PAX5: variants seen among roughly 807,000 people sequenced by gnomAD.
PAX5 encodes paired box protein Pax-5.
Under a neutral mutation model 43.7 loss-of-function variants are expected in PAX5, and 9 were observed. That is an observed-to-expected ratio of 0.21 (90% CI 0.12 to 0.36). PAX5 has a LOEUF of 0.36. PAX5 is among the 10% of genes least tolerant of loss of function. PAX5 has a pLI of 1.00. For missense variants in PAX5, 383 were observed against 532.7 expected, an observed-to-expected ratio of 0.72 and a Z score of 2.77; for synonymous variants, 228 against 214.3, an observed-to-expected ratio of 1.06 and a Z score of -0.56.
intron 6 of PAX5, among the ~76,000 whole-genome samples, chr9:36,945,520 T>C (rs1366790250): frequency 6.6e-6 from 1 of 152,234 alleles, no homozygotes; most frequent in Non-Finnish European, 1.5e-5. Flanking sequence ...GGATGACAGG[T>C]GTAAGCCACT....
At chr9:36,923,549 C>G in intron 6 of PAX5, 65 bp from the exon 7 acceptor site, 2 of 1,543,716 alleles carry the variant, frequency 1.3e-6, no homozygotes, top group East Asian at 2.3e-5. Flanking sequence ...AATGCCAACT[C>G]CACGTTCTGA....
intron 8 of PAX5, among the ~76,000 whole-genome samples, chr9:36,870,243 G>A (rs1367486668): frequency 1.3e-5 from 2 of 152,234 alleles, no homozygotes; most frequent in South Asian, 2.1e-4. Flanking sequence ...ATTTCAACAG[G>A]CTCTCTCCCA....
chr9:36,931,646 C>T (rs1010990590), intron 6 of PAX5, among the ~76,000 whole-genome samples: 1 of 151,836 alleles, frequency 6.6e-6, no homozygotes, highest in African/African-American at 2.4e-5. Context: ...ATCAGGAGTT[C>T]AAGACCAGCC....
intron 6 of PAX5, among the ~76,000 whole-genome samples, chr9:36,962,178 C>T (rs1211914813): frequency 2.0e-5 from 3 of 151,850 alleles, no homozygotes; most frequent in Non-Finnish European, 2.9e-5. Flanking sequence ...TGGGAGGATC[C>T]GGGAGGATGT....
intron 5 of PAX5, among the ~76,000 whole-genome samples, chr9:36,981,877 C>T (rs780824072): frequency 2.6e-5 from 4 of 152,246 alleles, no homozygotes; most frequent in Non-Finnish European, 4.4e-5. Context: ...TGCTGGATTC[C>T]AAGTGAGAGA....
At chr9:36,944,088 G>C (rs1252300628) in intron 6 of PAX5, among the ~76,000 whole-genome samples, 1 of 152,134 alleles carries the variant, frequency 6.6e-6, no homozygotes. Context: ...GAAGGCTGAC[G>C]CAGGAAGATT....
intron 6 of PAX5, among the ~76,000 whole-genome samples, chr9:36,935,004 C>A (rs1228638937): frequency 2.0e-5 from 3 of 152,230 alleles, no homozygotes; most frequent in African/African-American, 7.2e-5. Context: ...TGCTTTTATT[C>A]ATCAGAGGTT....
chr9:36,869,894 AAATGGATG>A (rs1825283451), intron 8 of PAX5, among the ~76,000 whole-genome samples: 1 of 41,536 alleles, frequency 2.4e-5, no homozygotes, highest in Admixed American at 2.2e-4. Flanking sequence ...ATGGATGGAT[AAATGGATG>A]GATGGATGGA....
intron 8 of PAX5, among the ~76,000 whole-genome samples, chr9:36,847,198 C>T (rs1260499827): frequency 1.3e-5 from 2 of 152,200 alleles, no homozygotes; most frequent in African/African-American, 4.8e-5. Context: ...CGTTCTGTGG[C>T]CCCATGTGCC....
chr9:36,857,494 C>T (rs1823791277), intron 8 of PAX5, among the ~76,000 whole-genome samples: 1 of 152,192 alleles, frequency 6.6e-6, no homozygotes, highest in Admixed American at 6.5e-5. Flanking sequence ...CAAAACTAGA[C>T]ATTCGGGTGC....
Position 36,923,199 on chromosome 9 carries a change from T to C in PAX5, c.910+156A>G, listed in dbSNP as rs1830317223. 3.7e-6 allele frequency: 3 copies of C among 806,566 alleles called. No homozygotes were observed. The South Asian group carries it at 5.8e-5, about 16-fold the overall frequency. The allele number at this position is 806,566 out of a possible 1,614,324, so 50.0% of individuals were successfully genotyped here. A position where few individuals can be genotyped will look rare whatever the true frequency, so the allele number is the denominator to read the frequency against. On this transcript the variant is annotated intron_variant, in intron 7 of 9. Coordinates refer to ENST00000358127, the MANE Select transcript of PAX5 (RefSeq NM_016734.3). ...CCATGTCTCATCACAGCTGCAACCC[T>C]GGCCCCAGCACCTGACCTGTTCCCA... is the stretch of plus-strand genomic sequence containing the variant.
chr9:36,888,454 A>G (rs1827089361), intron 7 of PAX5, among the ~76,000 whole-genome samples: 1 of 152,256 alleles, frequency 6.6e-6, no homozygotes, highest in African/African-American at 2.4e-5. Flanking sequence ...AAATACCAAT[A>G]CATACTACAG....
At chr9:36,904,250 T>C (rs1828630209) in intron 7 of PAX5, among the ~76,000 whole-genome samples, 2 of 152,188 alleles carry the variant, frequency 1.3e-5, no homozygotes, top group African/African-American at 2.4e-5. Context: ...CTCTAGCTGT[T>C]CAGGATTGAA....
chr9:36,859,813 T>C (rs1438088027), intron 8 of PAX5, among the ~76,000 whole-genome samples: 3 of 152,100 alleles, frequency 2.0e-5, no homozygotes, highest in African/African-American at 7.2e-5. Context: ...GGTAGGTGGA[T>C]CACGAGGTCA....
chr9:36,843,581 T>C (rs1822284298), intron 9 of PAX5, among the ~76,000 whole-genome samples: 1 of 152,126 alleles, frequency 6.6e-6, no homozygotes, highest in African/African-American at 2.4e-5. Context: ...CCATTTCTCA[T>C]GTTTGTTTCT....
At chr9:36,908,438 A>T (rs1160432088) in intron 7 of PAX5, among the ~76,000 whole-genome samples, 1 of 152,032 alleles carries the variant, frequency 6.6e-6, no homozygotes, top group Admixed American at 6.5e-5. Context: ...TGCTGCATAC[A>T]TGTATCCATG....
chr9:36,935,226 C>T (rs1226248570), intron 6 of PAX5, among the ~76,000 whole-genome samples: 1 of 151,954 alleles, frequency 6.6e-6, no homozygotes, highest in Admixed American at 6.5e-5. Flanking sequence ...ACTAAAAATA[C>T]AAAATTAGCC....
intron 7 of PAX5, among the ~76,000 whole-genome samples, chr9:36,906,033 G>A (rs555649434): frequency 6.6e-6 from 1 of 152,296 alleles, no homozygotes; most frequent in South Asian, 2.1e-4. Flanking sequence ...CAGAAACGGA[G>A]CAAAAGAGGT....
intron 8 of PAX5, among the ~76,000 whole-genome samples, chr9:36,859,540 G>A (rs1441700714): frequency 6.6e-6 from 1 of 152,098 alleles, no homozygotes; most frequent in African/African-American, 2.4e-5. Flanking sequence ...TCATTCCTTT[G>A]GGGTTCTCTC....
Sources: gnomAD v4.1 joint callset for allele counts (sites outside exome capture counted in the v4.1 genomes callset) on GRCh38, gnomAD v4.1.1 for gene constraint, MANE v1.5 for transcripts, NCBI Gene and HGNC (gene_info 2026-07-23, HGNC 2026-07-21) for gene names.